The following GARIN5A variants were observed in gnomAD, a reference collection of about 807,000 sequenced individuals.
The protein encoded by GARIN5A is golgi associated RAB2 interactor 5A, also known as Golgi-associated RAB2 interactor protein 5A.
At chr19:50,472,064 A>G in the GARIN5A span, among the ~76,000 whole-genome samples, 5 of 130,064 alleles carry the variant, frequency 3.8e-5, no homozygotes, top group African/African-American at 7.7e-5. Context: ...ACGTGTGTGT[A>G]TATGTGTATA....
the GARIN5A span, among the ~76,000 whole-genome samples, chr19:50,473,724 T>C: frequency 6.6e-6 from 1 of 151,368 alleles, no homozygotes; most frequent in Admixed American, 6.6e-5. Flanking sequence ...TGGTAGCTCA[T>C]GCCTGTAATC....
the GARIN5A span, among the ~76,000 whole-genome samples, chr19:50,468,757 A>G: frequency 3.3e-5 from 5 of 152,026 alleles, no homozygotes; most frequent in South Asian, 8.3e-4. Context: ...GCGCACCACC[A>G]TGCCTGGCTA....
chr19:50,476,682 A>G, the GARIN5A span: 39 of 1,425,086 alleles, frequency 2.7e-5, no homozygotes, highest in East Asian at 7.7e-4. Context: ...AGCTGTGCAT[A>G]GCGGGCGCGG....
chr19:50,471,992 A>G, the GARIN5A span, among the ~76,000 whole-genome samples: 3 of 151,206 alleles, frequency 2.0e-5, no homozygotes, highest in Non-Finnish European at 4.4e-5. Flanking sequence ...GTATATGTAT[A>G]TATACGTGTA....
chr19:50,472,028 A>G, the GARIN5A span, among the ~76,000 whole-genome samples: 175 of 142,180 alleles, frequency 1.2e-3, 3 homozygotes, highest in African/African-American at 4.8e-3. Context: ...GTATATGTAT[A>G]TGTACGTGTG....
the GARIN5A span, chr19:50,476,599 G>A: frequency 1.9e-6 from 3 of 1,570,548 alleles, no homozygotes; most frequent in Non-Finnish European, 2.6e-6. Context: ...GCTGATGGCG[G>A]TAGCAGCGCC....
chr19:50,471,983 T>C, the GARIN5A span, among the ~76,000 whole-genome samples: 114 of 149,654 alleles, frequency 7.6e-4, no homozygotes, highest in African/African-American at 2.8e-3. Context: ...TGTATGTGTG[T>C]ATATGTATAT....
At chr19:50,469,770 C>T in the GARIN5A span, among the ~76,000 whole-genome samples, 9 of 152,048 alleles carry the variant, frequency 5.9e-5, no homozygotes, top group Non-Finnish European at 1.2e-4. Flanking sequence ...AGTATCACTG[C>T]CAGGAATGGA....
chr19:50,474,817 G>A, the GARIN5A span, among the ~76,000 whole-genome samples: 2 of 152,252 alleles, frequency 1.3e-5, no homozygotes, highest in African/African-American at 2.4e-5. Context: ...AAAATATGAC[G>A]TAAAGGGGCA....
the GARIN5A span, among the ~76,000 whole-genome samples, chr19:50,474,649 C>T: frequency 6.6e-6 from 1 of 151,710 alleles, no homozygotes; most frequent in South Asian, 2.1e-4. Flanking sequence ...CCGGCCCTGG[C>T]TAATTTTTTG....
At chr19:50,475,964 A>T in the GARIN5A span, 2 of 1,608,510 alleles carry the variant, frequency 1.2e-6, no homozygotes, top group African/African-American at 1.3e-5. Flanking sequence ...ACCAGGACGA[A>T]GTCTGGGGGT....
the GARIN5A span, chr19:50,475,830 T>C: frequency 6.2e-7 from 1 of 1,608,576 alleles, no homozygotes. Context: ...TGGGGCTCCC[T>C]ACCTGTACGA....
chr19:50,475,605 C>G, the GARIN5A span: 1 of 796,758 alleles, frequency 1.3e-6, no homozygotes, highest in South Asian at 1.8e-5. Flanking sequence ...AATTAAAGTT[C>G]AAGAATCATA....
chr19:50,469,569 G>T, the GARIN5A span, among the ~76,000 whole-genome samples: 3 of 152,170 alleles, frequency 2.0e-5, no homozygotes, highest in South Asian at 6.2e-4. Flanking sequence ...GGATGCTTCA[G>T]TGGATGCTTT....
the GARIN5A span, chr19:50,475,759 AG>A: frequency 1.9e-6 from 2 of 1,073,826 alleles, no homozygotes; most frequent in Non-Finnish European, 1.4e-6. Context: ...ATGGGGGAGC[AG>A]GGGCTTTCCA....
chr19:50,476,130 C>T, the GARIN5A span: 1 of 1,613,310 alleles, frequency 6.2e-7, no homozygotes, highest in Admixed American at 1.7e-5. Flanking sequence ...CCTCTCTCAC[C>T]TGCCATCCCA....
chr19:50,467,729 G>A, the GARIN5A span: 14 of 1,604,650 alleles, frequency 8.7e-6, no homozygotes, highest in African/African-American at 1.3e-5. Flanking sequence ...AGTGGGGCCC[G>A]CAGCTGCAAG....
the GARIN5A span, among the ~76,000 whole-genome samples, chr19:50,468,187 C>T: frequency 6.6e-6 from 1 of 151,982 alleles, no homozygotes; most frequent in East Asian, 1.9e-4. Context: ...ATGGTGGAAC[C>T]CCATCTCTAC....
the GARIN5A span, chr19:50,467,536 C>T: frequency 1.6e-3 from 2,400 of 1,467,700 alleles, 40 homozygotes; most frequent in African/African-American, 0.03. Flanking sequence ...TGCCCCACTG[C>T]GCTTCCCCCC....
Sources: allele counts gnomAD v4.1 joint callset (sites outside exome capture counted in the v4.1 genomes callset), GRCh38; gene constraint gnomAD v4.1.1; transcripts MANE v1.5; gene names NCBI Gene and HGNC (gene_info 2026-07-23, HGNC 2026-07-21).